Variants in DNAH6 observed in about 807,000 individuals in gnomAD.
The protein encoded by DNAH6 is dynein axonemal heavy chain 6.
Under a neutral mutation model 491.4 loss-of-function variants are expected in DNAH6, and 340 were observed. The observed-to-expected ratio is 0.69, with a 90% CI of 0.63 to 0.76. DNAH6 has a LOEUF of 0.76. DNAH6 is among the 30% of genes least tolerant of loss of function. The probability of loss-of-function intolerance (pLI) is 0.00; values close to 1 mark genes in which losing one functional copy is unlikely to be tolerated. For synonymous variants in DNAH6, 1,603 were observed against 1,686.1 expected, an observed-to-expected ratio of 0.95 and a Z score of 1.21; for missense variants, 4,443 against 4,972.2, an observed-to-expected ratio of 0.89 and a Z score of 3.20.
chr2:84,582,025 C>T (rs1378952451), intron 14 of DNAH6, among the ~76,000 whole-genome samples: 9 of 152,106 alleles, frequency 5.9e-5, no homozygotes, highest in Non-Finnish European at 1.3e-4. Flanking sequence ...CCCAGAGAAA[C>T]CTGGATATAT....
chr2:84,610,061 T>C (rs1024978757), intron 21 of DNAH6, among the ~76,000 whole-genome samples: 4 of 152,154 alleles, frequency 2.6e-5, no homozygotes, highest in African/African-American at 9.7e-5. Flanking sequence ...GACTGGGTTC[T>C]CATCAGAAGT....
chr2:84,745,952 G>A (rs1672937639), intron 63 of DNAH6, among the ~76,000 whole-genome samples: 1 of 152,166 alleles, frequency 6.6e-6, no homozygotes, highest in Non-Finnish European at 1.5e-5. Context: ...ATGACAGTCT[G>A]AATTAAGACA....
intron 63 of DNAH6, among the ~76,000 whole-genome samples, chr2:84,762,055 G>A (rs558445181): frequency 4.6e-5 from 7 of 152,270 alleles, no homozygotes; most frequent in South Asian, 4.2e-4. Flanking sequence ...GTTGGGGAGG[G>A]ACAAGGCCAG....
At chr2:84,511,251 C>T in the DNAH6 span, among the ~76,000 whole-genome samples, 17 of 152,308 alleles carry the variant, frequency 1.1e-4, no homozygotes, top group South Asian at 4.1e-4. Flanking sequence ...GCTTTGTTTA[C>T]GTACTCAAGC....
rs1437256550 is a variant in DNAH6 at position 84,703,395 on chromosome 2, G to T, written c.8062G>T (p.Ala2688Ser). 4 of 1,498,272 alleles carry T rather than the reference G, an allele frequency of 2.7e-6. No homozygotes were observed. Among genetic ancestry groups the T allele is most frequent in the Non-Finnish European group, 3.6e-6 (4 of 1,119,736 alleles). 92.8% of individuals were successfully genotyped at this position (1,498,272 alleles called of 1,614,324 possible). ...AATATAAATTTTCATTGTCACTTAG[G>T]CACGAGATCGGGTGAAGAATGGTCT... ...LSEKRKQIISARDRVKNGLTK... is the reference protein window; with the variant it reads ...LSEKRKQIISSRDRVKNGLTK... The change falls in exon 50 of 77, where the codon GCA (alanine) becomes TCA (serine). Residue 2688 changes from alanine (A) to serine (S), a missense_variant and splice_region_variant. Ala to Ser is a moderately conservative substitution (Grantham distance 99, BLOSUM62 1). Around this residue, in one of 3 missense-constraint regions of DNAH6, gnomAD observed 2,977 missense variants for 3,296.6 expected, o/e 0.90. Coordinates refer to ENST00000389394, the MANE Select transcript of DNAH6 (RefSeq NM_001370.2).
At chr2:84,529,872 T>C (rs150342387) in intron 4 of DNAH6, among the ~76,000 whole-genome samples, 275 of 152,288 alleles carry the variant, frequency 1.8e-3, no homozygotes, top group African/African-American at 6.4e-3. Context: ...TTCTCCCTTA[T>C]TCAGCACCAT....
At chr2:84,555,850 G>C (rs899569643) in intron 10 of DNAH6, among the ~76,000 whole-genome samples, 2 of 152,056 alleles carry the variant, frequency 1.3e-5, no homozygotes, top group African/African-American at 4.8e-5. Flanking sequence ...CTTGAGATCA[G>C]ATCATCAGCT....
intron 75 of DNAH6, among the ~76,000 whole-genome samples, chr2:84,814,955 G>A (rs1036060301): frequency 6.6e-6 from 1 of 152,230 alleles, no homozygotes; most frequent in African/African-American, 2.4e-5. Context: ...TAAACACAGG[G>A]TATGTGTTTA....
chr2:84,804,140 AG>A (rs1286156899), intron 70 of DNAH6, among the ~76,000 whole-genome samples: 1 of 146,464 alleles, frequency 6.8e-6, no homozygotes, highest in Non-Finnish European at 1.5e-5. Context: ...TGGGAGGCAG[AG>A]GTTGCAGTGA....
the DNAH6 span, among the ~76,000 whole-genome samples, chr2:84,469,575 G>A: frequency 5.4e-4 from 82 of 152,270 alleles, no homozygotes; most frequent in African/African-American, 8.4e-4. This position sits in a 1 kb window ranked among gnomAD's most constrained non-coding sequence, Gnocchi z 4.0. Context: ...CTGTGGCAGC[G>A]TGGGGAAGGT....
At chr2:84,543,777 TG>T in intron 4 of DNAH6, among the ~76,000 whole-genome samples, 1 of 152,314 alleles carries the variant, frequency 6.6e-6, no homozygotes, top group East Asian at 1.9e-4. Flanking sequence ...GGTGATAAAT[TG>T]GGCATATAAT....
chr2:84,517,861 T>A lies in DNAH6; in HGVS notation c.35T>A (p.Leu12Gln). ...TFRATDSEFDLTNIEEYAENS... is the reference protein window; with the variant it reads ...TFRATDSEFDQTNIEEYAENS... Reference sequence around the variant, plus strand: ...CGGGCCACAGATAGTGAATTTGACCTGACAAATATTGAAGAGTATGCCGAA... The same window carrying A: ...CGGGCCACAGATAGTGAATTTGACCAGACAAATATTGAAGAGTATGCCGAA... The change falls in exon 2 of 77, where the codon CTG (leucine) becomes CAG (glutamine). Residue 12 changes from leucine (L) to glutamine (Q), a missense_variant. Around this residue, in one of 3 missense-constraint regions of DNAH6, gnomAD observed 2,977 missense variants for 3,296.6 expected, o/e 0.90. Transcript: ENST00000389394. 1 of 1,551,656 alleles carries A rather than the reference T, an allele frequency of 6.4e-7. No individual in the cohort carries two copies.
intron 39 of DNAH6, among the ~76,000 whole-genome samples, chr2:84,671,428 G>C (rs1409925210): frequency 1.3e-5 from 2 of 152,218 alleles, no homozygotes; most frequent in South Asian, 2.1e-4. Flanking sequence ...CTCTGGGGTG[G>C]TGCACCAGCC....
At chr2:84,640,339 G>A in intron 31 of DNAH6, 91 bp from the exon 32 acceptor site, 1 of 823,040 alleles carries the variant, frequency 1.2e-6, no homozygotes. Context: ...AAAGTATAAT[G>A]TTTAGAGTCA....
chr2:84,493,846 A>G, the DNAH6 span, among the ~76,000 whole-genome samples: 1 of 152,218 alleles, frequency 6.6e-6, no homozygotes, highest in Non-Finnish European at 1.5e-5. Context: ...TATTCTAACA[A>G]GGATAACTGA....
intron 49 of DNAH6, among the ~76,000 whole-genome samples, chr2:84,702,009 A>G (rs1695953979): frequency 6.6e-6 from 1 of 152,226 alleles, no homozygotes; most frequent in Non-Finnish European, 1.5e-5. Context: ...GTAGAATGAT[A>G]TGGGCATCAC....
chr2:84,654,852 A>T, intron 35 of DNAH6, 70 bp downstream of exon 35: 1 of 1,503,598 alleles, frequency 6.7e-7, no homozygotes, highest in Non-Finnish European at 9.0e-7. Context: ...GTGCACAAAT[A>T]ACAATAGGTT....
intron 73 of DNAH6, 99 bp from the exon 74 acceptor site, chr2:84,812,959 A>G: frequency 1.0e-6 from 1 of 1,000,366 alleles, no homozygotes. Context: ...GCTGCTTTAG[A>G]TTCTGCCTCC....
chr2:84,490,400 A>G, the DNAH6 span, among the ~76,000 whole-genome samples: 1 of 152,034 alleles, frequency 6.6e-6, no homozygotes, highest in Non-Finnish European at 1.5e-5. Flanking sequence ...TCATATAACC[A>G]TCACCACAAT....
Sources: allele counts gnomAD v4.1 joint callset (sites outside exome capture counted in the v4.1 genomes callset), GRCh38; gene constraint gnomAD v4.1.1; regional missense constraint gnomAD v4.1.1; non-coding constraint Gnocchi (gnomAD v3.1); transcripts MANE v1.5; gene names NCBI Gene and HGNC (gene_info 2026-07-23, HGNC 2026-07-21).